Variants in STPG2 observed in about 807,000 individuals in gnomAD.
STPG2 encodes the protein sperm tail PG-rich repeat containing 2.
A neutral mutation model predicts 54.2 loss-of-function variants in STPG2; 56 were observed. That is an observed-to-expected ratio of 1.03 (90% CI 0.83 to 1.29). STPG2 has a LOEUF of 1.29. Ranked by LOEUF, STPG2 falls within the 50% of genes most tolerant of loss-of-function variation. STPG2 has a pLI of 0.00. For synonymous variants in STPG2, 200 were observed against 181.8 expected (o/e 1.10, Z -0.81); for missense variants, 596 against 544.9 (o/e 1.09, Z -0.93).
At chr4:97,610,834 TTATAA>T (rs142444667) in intron 10 of STPG2, among the ~76,000 whole-genome samples, 15,255 of 152,078 alleles carry the variant, frequency 0.1, 903 homozygotes, top group South Asian at 0.2. Flanking sequence ...AACATGCCAG[TTATAA>T]TATAAATGAA....
At chr4:97,727,351 T>C (rs1466511089) in intron 9 of STPG2, among the ~76,000 whole-genome samples, 1 of 151,902 alleles carries the variant, frequency 6.6e-6, no homozygotes, top group East Asian at 1.9e-4. Context: ...AGTATGATTA[T>C]CCATACCTAA....
intron 1 of STPG2, among the ~76,000 whole-genome samples, chr4:98,140,669 CT>C (rs1333347869): frequency 1.3e-5 from 2 of 151,104 alleles, no homozygotes; most frequent in Admixed American, 6.6e-5. Context: ...ACCAGTATTG[CT>C]GGAAAAAAAT....
chr4:97,674,070 G>T (rs1238718764), intron 10 of STPG2, among the ~76,000 whole-genome samples: 1 of 152,046 alleles, frequency 6.6e-6, no homozygotes, highest in Non-Finnish European at 1.5e-5. Flanking sequence ...TGTGTTACCT[G>T]CCTTAAGCAC....
intron 8 of STPG2, among the ~76,000 whole-genome samples, chr4:97,871,017 C>T (rs376023079): frequency 6.6e-6 from 1 of 150,524 alleles, no homozygotes; most frequent in African/African-American, 2.4e-5. Flanking sequence ...AAAAAAATAG[C>T]CATAAAGACC....
At chr4:98,112,150 C>T (rs1739382321) in intron 3 of STPG2, among the ~76,000 whole-genome samples, 1 of 151,962 alleles carries the variant, frequency 6.6e-6, no homozygotes, top group South Asian at 2.1e-4. Flanking sequence ...TTATGTACCA[C>T]ATAATGATGT....
intron 9 of STPG2, among the ~76,000 whole-genome samples, chr4:97,793,402 CAGAG>C (rs58183995): frequency 6.7e-6 from 1 of 148,246 alleles, no homozygotes; most frequent in Non-Finnish European, 1.5e-5. Context: ...CACACACACA[CAGAG>C]AAATAGCATA....
intron 8 of STPG2, among the ~76,000 whole-genome samples, chr4:97,897,582 T>C (rs763709247): frequency 2.6e-5 from 4 of 152,188 alleles, no homozygotes; most frequent in Non-Finnish European, 5.9e-5. Context: ...TTTTTTGACT[T>C]TTTAATAACA....
At chr4:97,834,797 G>A (rs572886824) in intron 9 of STPG2, among the ~76,000 whole-genome samples, 3 of 152,126 alleles carry the variant, frequency 2.0e-5, no homozygotes, top group Admixed American at 6.6e-5. Flanking sequence ...TGTTGGTACT[G>A]AAGAGTTATG....
chr4:97,543,899 G>T (rs1164423776), intron 4 of STPG2, among the ~76,000 whole-genome samples: 1 of 151,948 alleles, frequency 6.6e-6, no homozygotes, highest in Non-Finnish European at 1.5e-5. Flanking sequence ...TCAAATATTT[G>T]CATGATTAGC....
chr4:97,871,602 G>C (rs904301333), intron 8 of STPG2, among the ~76,000 whole-genome samples: 5 of 151,016 alleles, frequency 3.3e-5, no homozygotes, highest in Admixed American at 6.6e-5. Context: ...CATCAGTTTT[G>C]TTAGAAACAC....
chr4:97,934,395 A>G (rs956475074), intron 8 of STPG2, among the ~76,000 whole-genome samples: 5 of 152,128 alleles, frequency 3.3e-5, no homozygotes, highest in African/African-American at 1.2e-4. Context: ...TTCAAATACT[A>G]TGTTGAAAAG....
intron 10 of STPG2, among the ~76,000 whole-genome samples, chr4:97,692,745 T>C (rs1723412884): frequency 6.6e-6 from 1 of 152,156 alleles, no homozygotes; most frequent in Non-Finnish European, 1.5e-5. Flanking sequence ...ACATAGTTCA[T>C]CAGGTTATCT....
At chr4:97,560,094 A>C (rs1732185420) in intron 10 of STPG2, among the ~76,000 whole-genome samples, 1 of 152,134 alleles carries the variant, frequency 6.6e-6, no homozygotes, top group African/African-American at 2.4e-5. Flanking sequence ...CAGACTACAG[A>C]TTCCCATGAT....
intron 5 of STPG2, among the ~76,000 whole-genome samples, chr4:98,047,334 C>T (rs1578811044): frequency 1.3e-5 from 2 of 151,958 alleles, no homozygotes; most frequent in Admixed American, 6.6e-5. Flanking sequence ...GCATGAGGAG[C>T]GCCCATACAC....
chr4:97,994,487 G>A (rs144276445), intron 5 of STPG2, among the ~76,000 whole-genome samples: 153 of 152,238 alleles, frequency 1.0e-3, no homozygotes, highest in Middle Eastern at 3.4e-3. Context: ...AAGTCCATTC[G>A]TTGTAGGGTA....
At chr4:97,682,050 G>C (rs970323197) in intron 10 of STPG2, among the ~76,000 whole-genome samples, 1 of 151,636 alleles carries the variant, frequency 6.6e-6, no homozygotes, top group Non-Finnish European at 1.5e-5. Flanking sequence ...CTGTAATATA[G>C]ACATGTGTCT....
At chr4:97,731,104 G>C (rs192983782) in intron 9 of STPG2, among the ~76,000 whole-genome samples, 16 of 152,156 alleles carry the variant, frequency 1.1e-4, no homozygotes, top group Non-Finnish European at 2.4e-4. Flanking sequence ...TTCTTTCACT[G>C]ATTCTTTCTC....
At chr4:97,895,452 C>A (rs911416361) in intron 8 of STPG2, among the ~76,000 whole-genome samples, 5 of 151,820 alleles carry the variant, frequency 3.3e-5, no homozygotes, top group Non-Finnish European at 7.4e-5. Context: ...TTAGCCAATA[C>A]AAAATAAGTC....
intron 8 of STPG2, among the ~76,000 whole-genome samples, chr4:97,855,063 C>A (rs1016213168): frequency 6.6e-6 from 1 of 152,152 alleles, no homozygotes; most frequent in African/African-American, 2.4e-5. Flanking sequence ...CTATTCATGT[C>A]CCTGCAAAGG....
Sources: allele counts gnomAD v4.1 joint callset (sites outside exome capture counted in the v4.1 genomes callset), GRCh38; gene constraint gnomAD v4.1.1; transcripts MANE v1.5; gene names NCBI Gene and HGNC (gene_info 2026-07-23, HGNC 2026-07-21).